The following YWHAE variants were observed in gnomAD, a reference collection of about 807,000 sequenced individuals.
YWHAE encodes 14-3-3 protein epsilon.
A neutral mutation model predicts 30.1 loss-of-function variants in YWHAE; 4 were observed. The observed-to-expected ratio is 0.13, with a 90% CI of 0.07 to 0.30. The LOEUF (loss-of-function observed/expected upper bound fraction) is 0.30. YWHAE is among the 10% of genes least tolerant of loss of function. The pLI is 1.00. For synonymous variants in YWHAE, 118 were observed against 111.8 expected, an observed-to-expected ratio of 1.06 and a Z score of -0.35; for missense variants, 121 against 315.9, an observed-to-expected ratio of 0.38 and a Z score of 4.68.
Position 1,396,983 on chromosome 17 carries a change from A to G in YWHAE, c.64+3064T>C, listed in dbSNP as rs1037371376. The stretch of plus-strand genomic sequence containing the variant: ...GTTGCCCAGGCTGTAGTGTAATGCC[A>G]TAATCCTGGTTCACTACAACCTTCA... On this transcript the variant is annotated intron_variant, in intron 1 of 5. Coordinates refer to ENST00000264335, the MANE Select transcript of YWHAE (RefSeq NM_006761.5). Among the ~76,000 whole-genome samples the G allele has an allele frequency of 3.4e-5, 5 of 146,950 alleles. No individual in the cohort carries two copies. In the East Asian group the frequency reaches 1.0e-3, roughly 30 times the overall value.
rs915322629 is a variant in YWHAE, at chr17:1,368,777, A to G, written c.65-3719T>C. On this transcript the variant is annotated intron_variant, in intron 1 of 5. Transcript: ENST00000264335. ...GCAAGTCAAACATAACTCAGAGGTAAGCCTGTAATTAAACTTTCTAAACTG... is the reference window on the plus strand; with the variant it reads ...GCAAGTCAAACATAACTCAGAGGTAGGCCTGTAATTAAACTTTCTAAACTG... 4.6e-5 allele frequency among the ~76,000 whole-genome samples: 7 copies of G among 152,220 alleles called. No individual in the cohort carries two copies. The East Asian group carries it at 7.7e-4, about 17-fold the overall frequency.
intron 1 of YWHAE, among the ~76,000 whole-genome samples, chr17:1,378,102 T>G (rs879789211): frequency 6.6e-6 from 1 of 152,144 alleles, no homozygotes; most frequent in East Asian, 1.9e-4. Flanking sequence ...GTATGCAAGT[T>G]TGTTGGAGAG....
intron 1 of YWHAE, among the ~76,000 whole-genome samples, chr17:1,386,771 G>C (rs1833133877): frequency 6.6e-6 from 1 of 152,136 alleles, no homozygotes; most frequent in South Asian, 2.1e-4. Flanking sequence ...CCAACACGGT[G>C]AAACACCCGT....
At chr17:1,381,896 G>C (rs1336101788) in intron 1 of YWHAE, among the ~76,000 whole-genome samples, 2 of 118,546 alleles carry the variant, frequency 1.7e-5, no homozygotes, top group Admixed American at 1.1e-4. Context: ...CTGCACGAGA[G>C]AGCGACACTA....
In YWHAE at chr17:1,354,986, T is replaced by TTTG. The variant is rs1398331612; in HGVS notation, c.579-640_579-639insCAA. Among the ~76,000 whole-genome samples the TTTG allele has an allele frequency of 1.8e-3, 177 of 100,702 alleles. 1 individual carries two copies. Among genetic ancestry groups the TTTG allele is most frequent in the African/African-American group, 8.4e-3 (165 of 19,600 alleles). 66.1% of individuals were successfully genotyped at this position (100,702 alleles called of 152,430 possible). A position where few individuals can be genotyped will look rare whatever the true frequency, so the allele number is the denominator to read the frequency against. On this transcript the variant is annotated intron_variant, in intron 4 of 5. Transcript: ENST00000264335. ...CTAGTTTTTTTTTTTTTTTTTTTTT[T>TTTG]TTTTTTTTTTTAAGGGATTCGTTAT...
intron 5 of YWHAE, among the ~76,000 whole-genome samples, chr17:1,349,131 A>G (rs1245472013): frequency 6.6e-6 from 1 of 152,002 alleles, no homozygotes; most frequent in Admixed American, 6.6e-5. Context: ...TCACGAGGTT[A>G]GGAGATTGAG....
chr17:1,348,606 T>G (rs2072564793), intron 5 of YWHAE, among the ~76,000 whole-genome samples: 1 of 152,214 alleles, frequency 6.6e-6, no homozygotes, highest in Admixed American at 6.5e-5. Context: ...TTTTATTTTG[T>G]GAGATGAAGT....
chr17:1,374,091 T>C (rs1161969150), intron 1 of YWHAE, among the ~76,000 whole-genome samples: 4 of 152,060 alleles, frequency 2.6e-5, no homozygotes, highest in Non-Finnish European at 5.9e-5. Context: ...GCAGGTGGAT[T>C]ACCTGAGGTC....
At chr17:1,357,872 A>G (rs1487656698) in intron 4 of YWHAE, among the ~76,000 whole-genome samples, 1 of 151,518 alleles carries the variant, frequency 6.6e-6, no homozygotes, top group Admixed American at 6.6e-5. Context: ...GGTTGCAGTG[A>G]GCTGAGATTG....
intron 1 of YWHAE, among the ~76,000 whole-genome samples, chr17:1,398,593 G>C (rs1173779062): frequency 1.3e-5 from 2 of 152,056 alleles, no homozygotes; most frequent in Admixed American, 6.6e-5. Context: ...AAGAATCAAA[G>C]ATACTTGATT....
intron 4 of YWHAE, among the ~76,000 whole-genome samples, chr17:1,356,159 A>G (rs2072736967): frequency 6.8e-6 from 1 of 147,458 alleles, no homozygotes; most frequent in South Asian, 2.1e-4. Flanking sequence ...ACAGAGCAAG[A>G]CTCCGTCTAA....
chr17:1,359,474 CAA>C (rs1483237063), intron 4 of YWHAE, among the ~76,000 whole-genome samples: 1 of 152,104 alleles, frequency 6.6e-6, no homozygotes, highest in East Asian at 1.9e-4. Context: ...AATGACTAAA[CAA>C]TGTGTGCAAA....
intron 1 of YWHAE, among the ~76,000 whole-genome samples, chr17:1,379,240 T>C (rs1183711202): frequency 6.6e-6 from 1 of 152,100 alleles, no homozygotes; most frequent in African/African-American, 2.4e-5. Flanking sequence ...ATCCCAACAC[T>C]TTGGGAGGAT....
rs1412779650 is a variant in YWHAE, at chr17:1,355,857, G to A, written c.579-1510C>T. Among the ~76,000 whole-genome samples the A allele has an allele frequency of 3.3e-5, 5 of 152,174 alleles. No homozygotes were observed. The East Asian group carries it at 5.8e-4, about 18-fold the overall frequency. On this transcript the variant is annotated intron_variant, in intron 4 of 5. Coordinates refer to ENST00000264335, the MANE Select transcript of YWHAE (RefSeq NM_006761.5). ...AGTTCAAGACCAGCCGGGCCACCAT[G>A]GCAAAACCTATTAAAAACACAAAAA...
Position 1,354,303 on chromosome 17 carries a change from G to A in YWHAE, c.623C>T (p.Thr208Met), listed in dbSNP as rs1305993102. 6.2e-7 allele frequency: 1 copy of A among 1,614,000 alleles called. No homozygotes were observed. Among genetic ancestry groups the A allele is most frequent in the Non-Finnish European group, 8.5e-7 (1 of 1,179,970 alleles). Residue 208 changes from threonine to methionine, a missense_variant, in exon 5 of 6, where the codon ACG (threonine) becomes ATG (methionine). Coordinates refer to ENST00000264335, the MANE Select transcript of YWHAE (RefSeq NM_006761.5). ...AFDDAIAELD[T>M]LSEESYKDST... Reference sequence around the variant, plus strand: ...GTCCTTATAGCTTTCTTCACTCAGCGTATCCAGTTCTGCAATTGCATCATC... The same window carrying A: ...GTCCTTATAGCTTTCTTCACTCAGCATATCCAGTTCTGCAATTGCATCATC...
At chr17:1,355,116 T>TAAAAA (rs869230957) in intron 4 of YWHAE, among the ~76,000 whole-genome samples, 20 of 17,170 alleles carry the variant, frequency 1.2e-3, no homozygotes, top group Non-Finnish European at 1.9e-3. Flanking sequence ...CAAGATTTTT[T>TAAAAA]AAAAAAAAAA....
chr17:1,382,205 T>C (rs545403467), intron 1 of YWHAE, among the ~76,000 whole-genome samples: 19 of 141,260 alleles, frequency 1.3e-4, no homozygotes, highest in Middle Eastern at 4.5e-3. Context: ...CCCACCACCA[T>C]GCCCGGCAAA....
intron 1 of YWHAE, among the ~76,000 whole-genome samples, chr17:1,370,516 T>C (rs1226963841): frequency 6.6e-6 from 1 of 150,782 alleles, no homozygotes; most frequent in Non-Finnish European, 1.5e-5. Flanking sequence ...CTGCAGCCTC[T>C]GCCTCCAGGG....
chr17:1,350,412 G>T (rs2072609379), intron 5 of YWHAE, among the ~76,000 whole-genome samples: 2 of 151,932 alleles, frequency 1.3e-5, no homozygotes, highest in Non-Finnish European at 2.9e-5. Flanking sequence ...TCCAGACTTG[G>T]TTATGAGTTG....
Sources: gnomAD v4.1 joint callset for allele counts (sites outside exome capture counted in the v4.1 genomes callset) on GRCh38, gnomAD v4.1.1 for gene constraint, MANE v1.5 for transcripts, NCBI Gene and HGNC (gene_info 2026-07-23, HGNC 2026-07-21) for gene names.